Variants in MYO15A observed in about 807,000 individuals in gnomAD.
The protein encoded by MYO15A is unconventional myosin-XV.
Under a neutral mutation model 394.6 loss-of-function variants are expected in MYO15A, and 308 were observed. That is an observed-to-expected ratio of 0.78 (90% CI 0.71 to 0.86). The LOEUF (loss-of-function observed/expected upper bound fraction) is 0.86, where lower values mean the gene tolerates loss of function less well. Ranked by LOEUF, MYO15A falls within the 40% of genes least tolerant of loss-of-function variation. MYO15A has a pLI of 0.00. For missense variants in MYO15A, 4,606 were observed against 4,799.1 expected, an observed-to-expected ratio of 0.96 and a Z score of 1.19; for synonymous variants, 1,957 against 2,003.8, an observed-to-expected ratio of 0.98 and a Z score of 0.62.
At position 18,159,831 on chromosome 17, in the gene MYO15A, G is replaced by C. The variant is rs537829832; in HGVS notation, c.9304-104G>C. On this transcript the variant is annotated intron_variant, in intron 55 of 65. Transcript: ENST00000647165. ...GCTGGTGGGGAGGGGGCTGGGAAAG[G>C]GACACCAGGCCTGTCTTCAGGTGCC... 5.5e-6 allele frequency: 8 copies of C among 1,465,374 alleles called. No individual in the cohort carries two copies. In the African/African-American group the frequency reaches 1.1e-4, roughly 20 times the overall value. 90.8% of individuals were successfully genotyped at this position (1,465,374 alleles called of 1,614,324 possible). A position where few individuals can be genotyped will look rare whatever the true frequency, so the allele number is the denominator to read the frequency against.
At chr17:18,140,419 T>G in intron 19 of MYO15A, 98 bp from the exon 20 acceptor site, 2 of 1,528,106 alleles carry the variant, frequency 1.3e-6, no homozygotes, top group South Asian at 2.3e-5. Flanking sequence ...AGTCTTCAGA[T>G]CCCCCTGGTC....
At chr17:18,157,571 G>C in intron 50 of MYO15A, 151 bp from the exon 51 acceptor site, 1 of 1,422,812 alleles carries the variant, frequency 7.0e-7, no homozygotes, top group South Asian at 1.4e-5. Context: ...CCCTGAGCCT[G>C]TTTCCTCATC....
In MYO15A at chr17:18,151,409, GA is replaced by G; in HGVS notation, c.7670del (p.Glu2557GlyfsTer48). ...ASPETTSPSP[E>X]LVRYSTLNSE... Reference sequence around the variant, plus strand: ...CTTGCCCACAGCTTCACCCTCCCCAGAGCTGGTCCGGTACTCTACGCTCAAC... The same window carrying G: ...CTTGCCCACAGCTTCACCCTCCCCAGGCTGGTCCGGTACTCTACGCTCAAC... On this transcript the variant is annotated frameshift_variant, in exon 40 of 66. Coordinates refer to ENST00000647165, the MANE Select transcript of MYO15A (RefSeq NM_016239.4). LOFTEE classifies it high-confidence loss of function. The G allele has an allele frequency of 6.2e-7, 1 of 1,614,154 alleles. No individual in the cohort carries two copies. Among genetic ancestry groups the G allele is most frequent in the Non-Finnish European group, 8.5e-7 (1 of 1,180,010 alleles).
rs1287708291 is a variant in MYO15A at position 18,119,393 on chromosome 17, C to T, written c.593C>T (p.Ala198Val). The T allele has an allele frequency of 5.6e-6, 9 of 1,611,200 alleles. No homozygotes were observed. The highest frequency in any genetic ancestry group is 7.6e-6 in the Non-Finnish European group (9 of 1,179,866). Residue 198 changes from alanine to valine, a missense_variant, in exon 2 of 66, where the codon GCG becomes GTG. Coordinates refer to ENST00000647165, the MANE Select transcript of MYO15A (RefSeq NM_016239.4). ...TTCCCCCGCAGCCGCAGCATCTACG[C>T]GTCAGGCGAGCCCCTGGGCTTCCTG... ...RRFPRSRSIY[A>V]SGEPLGFLPF...
rs1293262938 is a variant in MYO15A, at chr17:18,127,075, T to C, written c.3942T>C (p.Ser1314=). The C allele has an allele frequency of 1.9e-6, 3 of 1,613,928 alleles. No homozygotes were observed. Among genetic ancestry groups the C allele is most frequent in the Non-Finnish European group, 2.5e-6 (3 of 1,179,990 alleles). The change falls in exon 7 of 66, where the codon AGT becomes AGC. Residue 1314 remains serine, a splice_region_variant and synonymous_variant. Transcript: ENST00000647165. ...DAKQNQCIII[S]GESGSGKTEA... is the part of the protein sequence containing the mutation. The stretch of plus-strand genomic sequence containing the variant: ...TCACTCTGCCCCTTTGCTCGGTCAG[T>C]GGAGAGAGCGGCTCTGGCAAAACTG...
rs763522649 is a variant in MYO15A at position 18,119,475 on chromosome 17, G to C, written c.675G>C (p.Gly225=). ...HHSGSRKSLY[G]LEGFQDLGEY... ...CGGGCTCCCGCAAGTCGCTGTACGG[G>C]CTTGAGGGCTTCCAGGACCTGGGCG... The change falls in exon 2 of 66, where the codon GGG becomes GGC. Residue 225 remains glycine, a synonymous_variant. Transcript: ENST00000647165. 4.3e-6 allele frequency: 7 copies of C among 1,612,648 alleles called. No homozygotes were observed. The Admixed American group carries it at 1.2e-4, about 27-fold the overall frequency.
Position 18,144,511 on chromosome 17 carries a change from G to A in MYO15A, c.6192G>A (p.Gly2064=), listed in dbSNP as rs55688805. Residue 2064 remains glycine (G), a synonymous_variant, in exon 29 of 66, where the codon GGG becomes GGA. Transcript: ENST00000647165. ...VQCHFKEPAF[G]MLTVPLRTPL... is the part of the protein sequence containing the mutation. ...CTGTGTCTTAGGAACCTGCCTTTGG[G>A]ATGCTGACAGTGCCCCTGAGGACAC... 4.8e-3 allele frequency: 7,721 copies of A among 1,613,378 alleles called. 27 individuals carry two copies. Among genetic ancestry groups the A allele is most frequent in the Non-Finnish European group, 5.3e-3 (6,249 of 1,180,004 alleles).
intron 52 of MYO15A, 141 bp from the exon 53 acceptor site, chr17:18,158,784 C>G: frequency 3.6e-6 from 5 of 1,382,180 alleles, no homozygotes; most frequent in Non-Finnish European, 2.1e-6. Flanking sequence ...ATTTCAGTGC[C>G]TGCCTCTGGG....
In MYO15A at chr17:18,153,735, A is replaced by T; in HGVS notation, c.7967-40A>T. ...TATATATTAATTAAATAAAAAAACG[A>T]GGTGCCTTCTCCTGACTCCCTGATC... is the stretch of plus-strand genomic sequence containing the variant. On this transcript the variant is annotated intron_variant, in intron 42 of 65. Coordinates refer to ENST00000647165, the MANE Select transcript of MYO15A (RefSeq NM_016239.4). This position sits in a 1 kb window ranked among gnomAD's most constrained non-coding sequence, Gnocchi z 4.1. 6.2e-7 allele frequency: 1 copy of T among 1,601,972 alleles called. No homozygotes were observed. The highest frequency in any genetic ancestry group is 8.5e-7 in the Non-Finnish European group (1 of 1,176,102).
Position 18,161,325 on chromosome 17 carries a change from G to T in MYO15A, c.9395G>T (p.Cys3132Phe). 6.2e-7 allele frequency: 1 copy of T among 1,613,920 alleles called. No individual in the cohort carries two copies. Among genetic ancestry groups the T allele is most frequent in the Non-Finnish European group, 8.5e-7 (1 of 1,180,010 alleles). The change falls in exon 57 of 66, where the codon TGC becomes TTC. Residue 3132 changes from cysteine (C) to phenylalanine (F), a missense_variant. By Grantham distance (205) the Cys-to-Phe change is radical. Transcript: ENST00000647165. ...CCCATGTGTCCTTGCAGGGACAGCTGCCAGCGAGGCTGGAGGCTGCTGTAT... is the reference window on the plus strand; with the variant it reads ...CCCATGTGTCCTTGCAGGGACAGCTTCCAGCGAGGCTGGAGGCTGCTGTAT... ...TDNTSSKQDS[C>F]QRGWRLLYIV...
At chr17:18,112,078 C>T (rs915141407) in intron 1 of MYO15A, among the ~76,000 whole-genome samples, 1 of 152,188 alleles carries the variant, frequency 6.6e-6, no homozygotes, top group Non-Finnish European at 1.5e-5. Context: ...TGGGCAAGCC[C>T]GCTAGAGAAT....
Position 18,121,315 on chromosome 17 carries a change from C to T in MYO15A, c.2515C>T (p.Pro839Ser). 7.5e-7 allele frequency: 1 copy of T among 1,334,128 alleles called. No individual in the cohort carries two copies. Among genetic ancestry groups the T allele is most frequent in the Non-Finnish European group, 9.5e-7 (1 of 1,048,010 alleles). 82.6% of individuals were successfully genotyped at this position (1,334,128 alleles called of 1,614,324 possible). Reference protein sequence around the residue: ...AAGRLGPPGSPLPGSPRPPSP... With the variant: ...AAGRLGPPGSSLPGSPRPPSP... ...TGGGCGCCTGGGCCCACCCGGCTCG[C>T]CGCTGCCGGGCTCACCCAGGCCGCC... is the stretch of plus-strand genomic sequence containing the variant. Residue 839 changes from proline to serine, a missense_variant, in exon 2 of 66, where the codon CCG becomes TCG. Pro to Ser is a moderately conservative substitution (Grantham distance 74). Transcript: ENST00000647165. The surrounding 1 kb of genome is among the most constrained non-coding windows in gnomAD (Gnocchi z 5.3).
chr17:18,166,645 C>G, intron 61 of MYO15A, 124 bp downstream of exon 61: 1 of 1,294,048 alleles, frequency 7.7e-7, no homozygotes, highest in Non-Finnish European at 1.1e-6. Context: ...GTCTCTAGCC[C>G]TGATGTCTCT....
At chr17:18,133,146 T>A (rs1034538033) in intron 11 of MYO15A, 79 bp from the exon 12 acceptor site, 4 of 1,479,502 alleles carry the variant, frequency 2.7e-6, no homozygotes, top group Non-Finnish European at 3.7e-6. Flanking sequence ...ACCACACTAC[T>A]GGTCAGGGCA....
At position 18,148,509 on chromosome 17, in the gene MYO15A, C is replaced by T; in HGVS notation, c.6705C>T (p.Ser2235=). 2 of 1,552,634 alleles carry T rather than the reference C, an allele frequency of 1.3e-6. No individual in the cohort carries two copies. The highest frequency in any genetic ancestry group is 1.7e-6 in the Non-Finnish European group (2 of 1,147,422). Reference sequence around the variant, plus strand: ...GCTGCGCCCCAGGTGACCAGTTCTCCTGCCCGGTGCACTCCTGGAGTACGG... The same window carrying T: ...GCTGCGCCCCAGGTGACCAGTTCTCTTGCCCGGTGCACTCCTGGAGTACGG... ...DVGCFNGDQF[S]CPVHSWSTGE... is the part of the protein sequence containing the mutation. The change falls in exon 32 of 66, where the codon TCC becomes TCT. Residue 2235 remains serine, a synonymous_variant. Transcript: ENST00000647165. The surrounding 1 kb of genome is among the most constrained non-coding windows in gnomAD (Gnocchi z 4.8).
rs1395737362 is a variant in MYO15A at position 18,171,643 on chromosome 17, A to T, written c.10088A>T (p.Glu3363Val). The T allele has an allele frequency of 7.4e-6, 12 of 1,613,788 alleles. No homozygotes were observed. Among genetic ancestry groups the T allele is most frequent in the Non-Finnish European group, 1.0e-5 (12 of 1,180,046 alleles). The change falls in exon 63 of 66, where the codon GAA becomes GTA. Residue 3363 changes from glutamate (E) to valine (V), a missense_variant. By Grantham distance (121) the Glu-to-Val change is moderately radical. Around this residue, in one of 2 missense-constraint regions of MYO15A, gnomAD observed 2,776 missense variants for 3,109.3 expected, o/e 0.89. Coordinates refer to ENST00000647165, the MANE Select transcript of MYO15A (RefSeq NM_016239.4). ...TCCCCTTCCTCCGTACACAGGCGGG[A>T]AGTCCAGGAGTACATCCCAGCCCAG... ...KDHFYLPSVR[E>V]VQEYIPAQLY...
chr17:18,136,374 A>G (rs769492221), intron 13 of MYO15A, 43 bp from the exon 14 acceptor site: 3 of 1,611,744 alleles, frequency 1.9e-6, no homozygotes, highest in Non-Finnish European at 2.5e-6. Flanking sequence ...CCGGAGGCAG[A>G]GTGGCCAGCC....
chr17:18,135,904 G>A, intron 13 of MYO15A, 80 bp downstream of exon 13: 1 of 1,332,300 alleles, frequency 7.5e-7, no homozygotes, highest in Non-Finnish European at 1.1e-6. Flanking sequence ...ATCCTTTGTG[G>A]GCAGCCTCTC....
chr17:18,120,023 C>T lies in MYO15A; in HGVS notation c.1223C>T (p.Ala408Val), dbSNP rs191710555. The T allele has an allele frequency of 1.4e-5, 23 of 1,613,662 alleles. No individual in the cohort carries two copies. The highest frequency in any genetic ancestry group is 1.3e-4 in the African/African-American group (10 of 75,046). The change falls in exon 2 of 66, where the codon GCC (alanine) becomes GTC (valine). Residue 408 changes from alanine (A) to valine (V), a missense_variant. Transcript: ENST00000647165. Reference protein sequence around the residue: ...PYFYPEESASAFVYPWVPPPI... With the variant: ...PYFYPEESASVFVYPWVPPPI... ...TTTTACCCGGAGGAGTCGGCTTCGG[C>T]CTTTGTGTACCCCTGGGTACCACCG...
Sources: allele counts gnomAD v4.1 joint callset (sites outside exome capture counted in the v4.1 genomes callset), GRCh38; gene constraint gnomAD v4.1.1; regional missense constraint gnomAD v4.1.1; non-coding constraint Gnocchi (gnomAD v3.1); transcripts MANE v1.5; gene names NCBI Gene and HGNC (gene_info 2026-07-23, HGNC 2026-07-21).